Variants in PLEKHG4 observed in about 807,000 individuals in gnomAD.
PLEKHG4 encodes puratrophin-1.
Under a neutral mutation model 136.9 loss-of-function variants are expected in PLEKHG4, and 85 were observed. The observed-to-expected ratio is 0.62, with a 90% CI of 0.52 to 0.74. PLEKHG4 has a LOEUF of 0.74. Among genes scored for constraint, PLEKHG4 ranks in the 30% least tolerant of loss-of-function variants. The pLI is 0.00. For synonymous variants in PLEKHG4, 577 were observed against 646.9 expected (o/e 0.89, Z 1.64); for missense variants, 1,317 against 1,527.8 (o/e 0.86, Z 2.30).
At position 67,282,621 on chromosome 16, in the gene PLEKHG4, C is replaced by T. The variant is rs759951391; in HGVS notation, c.1372C>T (p.Arg458Trp). 5.0e-5 allele frequency: 81 copies of T among 1,613,812 alleles called. No individual in the cohort carries two copies. Among genetic ancestry groups the T allele is most frequent in the South Asian group, 3.3e-4 (30 of 91,092 alleles). Reference protein sequence around the residue: ...ALELVQTLEARESGLHQIEVW... With the variant: ...ALELVQTLEAWESGLHQIEVW... ...AGAGTTGGTCCAAACACTGGAGGCC[C>T]GGGAAAGCGGACTGCACCAGGTCGG... is the stretch of plus-strand genomic sequence containing the variant. Residue 458 changes from arginine to tryptophan, a missense_variant, in exon 10 of 22, where the codon CGG (arginine) becomes TGG (tryptophan). By Grantham distance (101) the Arg-to-Trp change is moderately radical (BLOSUM62 -3). Transcript: ENST00000379344.
chr16:67,282,528 C>T lies in PLEKHG4; in HGVS notation c.1279C>T (p.Leu427=). The T allele has an allele frequency of 1.9e-6, 3 of 1,614,132 alleles. No individual in the cohort carries two copies. The South Asian group carries it at 3.3e-5, about 18-fold the overall frequency. ...GACGGCAATGGACAAGGCTGACGAG[C>T]TATATGACCGGGTGGATGGATTGCT... The part of the protein sequence containing the change: ...YRTAMDKADE[L]YDRVDGLLHQ... Residue 427 remains leucine (L), a synonymous_variant, in exon 10 of 22, where the codon CTA becomes TTA. Coordinates refer to ENST00000379344, the MANE Select transcript of PLEKHG4 (RefSeq NM_001129729.3).
rs2142457840 is a variant in PLEKHG4 at position 67,284,645 on chromosome 16, G to T, written c.1693-68G>T. ...ATCCTGTGGGGATGGGGAGTGGGTA[G>T]AGGAGCAGAGTGCCCAGCAGGCTTG... On this transcript the variant is annotated intron_variant, in intron 12 of 21. Coordinates refer to ENST00000379344, the MANE Select transcript of PLEKHG4 (RefSeq NM_001129729.3). This position sits in a 1 kb window ranked among gnomAD's most constrained non-coding sequence, Gnocchi z 4.4. The T allele has an allele frequency of 6.3e-7, 1 of 1,584,238 alleles. No individual in the cohort carries two copies.
chr16:67,281,750 G>T lies in PLEKHG4; in HGVS notation c.918G>T (p.Leu306=), dbSNP rs1383875106. The T allele has an allele frequency of 3.1e-6, 5 of 1,614,096 alleles. No individual in the cohort carries two copies. The highest frequency in any genetic ancestry group is 1.1e-5 in the South Asian group (1 of 91,090). Reference sequence around the variant, plus strand: ...TGGAGCAGTTGCCTTCTCAGAGCCTGCTGACCCACATCCCAACGGCGGGGC... The same window carrying T: ...TGGAGCAGTTGCCTTCTCAGAGCCTTCTGACCCACATCCCAACGGCGGGGC... ...LQLEQLPSQS[L]LTHIPTAGLP... Residue 306 remains leucine, a synonymous_variant, in exon 7 of 22, where the codon CTG becomes CTT. Coordinates refer to ENST00000379344, the MANE Select transcript of PLEKHG4 (RefSeq NM_001129729.3).
rs2036374574 is a variant in PLEKHG4 at position 67,284,514 on chromosome 16, C to G, written c.1692+57C>G. 5 of 1,573,308 alleles carry G rather than the reference C, an allele frequency of 3.2e-6. No homozygotes were observed. The highest frequency in any genetic ancestry group is 3.5e-6 in the Non-Finnish European group (4 of 1,145,438). ...CCATGAGGCCGGAGGGATGGCAGCC[C>G]CAGCTTCAGCAGAGCCTGAGCTTTT... On this transcript the variant is annotated intron_variant, in intron 12 of 21. Coordinates refer to ENST00000379344, the MANE Select transcript of PLEKHG4 (RefSeq NM_001129729.3). This position sits in a 1 kb window ranked among gnomAD's most constrained non-coding sequence, Gnocchi z 4.4.
Position 67,288,381 on chromosome 16 carries a change from G to C in PLEKHG4, c.3435G>C (p.Leu1145=). 1 of 1,611,682 alleles carries C rather than the reference G, an allele frequency of 6.2e-7. No individual in the cohort carries two copies. Among genetic ancestry groups the C allele is most frequent in the Non-Finnish European group, 8.5e-7 (1 of 1,179,952 alleles). ...EEAALEAEAE[L]GGQPSLTAED... is the part of the protein sequence containing the mutation. ...CAGCACTGGAGGCTGAGGCAGAGCT[G>C]GGCGGCCAGCCCTCTTTGAGTATGT... The change falls in exon 20 of 22, where the codon CTG becomes CTC. Residue 1145 remains leucine (L), a synonymous_variant. Transcript: ENST00000379344.
At chr16:67,287,240 G>A in intron 18 of PLEKHG4, 63 bp downstream of exon 18, 1 of 1,537,486 alleles carries the variant, frequency 6.5e-7, no homozygotes, top group Non-Finnish European at 8.9e-7. Flanking sequence ...TTGACCCACA[G>A]GAGCCCAGAG....
rs200287373 is a variant in PLEKHG4 at position 67,285,181 on chromosome 16, C to A, written c.2161C>A (p.Pro721Thr). The A allele has an allele frequency of 3.7e-6, 6 of 1,613,624 alleles. No homozygotes were observed. In the East Asian group the frequency reaches 1.1e-4, roughly 30 times the overall value. The change falls in exon 13 of 22, where the codon CCA becomes ACA. Residue 721 changes from proline (P) to threonine (T), a missense_variant. Pro to Thr is a conservative substitution (Grantham distance 38, BLOSUM62 -1). Transcript: ENST00000379344. ...ALPQASPTVP[P>T]PGSSDPRSLN... ...GCCCCAGGCATCCCCTACTGTGCCT[C>A]CACCAGGCAGCTCTGACCCCAGGAG...
At chr16:67,279,764 A>G in intron 1 of PLEKHG4, 112 bp from the exon 2 acceptor site, 1 of 410,388 alleles carries the variant, frequency 2.4e-6, no homozygotes, top group South Asian at 3.1e-5. Context: ...ATGGGCCTGC[A>G]GAGCGTGGCC....
Position 67,279,911 on chromosome 16 carries a change from C to T in PLEKHG4, c.-134C>T, listed in dbSNP as rs1185824538. Reference sequence around the variant, plus strand: ...CAGTTCCTGTGCCCTGGCACTAAGACTGGCACCTCCTGCGGCCCATGCCCT... The same window carrying T: ...CAGTTCCTGTGCCCTGGCACTAAGATTGGCACCTCCTGCGGCCCATGCCCT... On this transcript the variant is annotated 5_prime_UTR_variant, in exon 2 of 22. Coordinates refer to ENST00000379344, the MANE Select transcript of PLEKHG4 (RefSeq NM_001129729.3). The T allele has an allele frequency of 2.5e-5, 21 of 838,480 alleles. No homozygotes were observed. Among genetic ancestry groups the T allele is most frequent in the Non-Finnish European group, 3.9e-5 (21 of 539,632 alleles). The allele number at this position is 838,480 out of a possible 1,614,324, so 51.9% of individuals were successfully genotyped here.
chr16:67,278,670 C>T (rs1349731470), upstream of PLEKHG4: 3 of 152,278 alleles, frequency 2.0e-5, no homozygotes, highest in East Asian at 1.9e-4. Context: ...AGCGGGTGAA[C>T]GTATAACACA....
chr16:67,284,676 A>G lies in PLEKHG4; in HGVS notation c.1693-37A>G, dbSNP rs769238826. On this transcript the variant is annotated intron_variant, in intron 12 of 21. Coordinates refer to ENST00000379344, the MANE Select transcript of PLEKHG4 (RefSeq NM_001129729.3). The surrounding 1 kb of genome is among the most constrained non-coding windows in gnomAD (Gnocchi z 4.4). ...CAGAGTGCCCAGCAGGCTTGGCAGG[A>G]TCTTCCTCTAATGCTTGTCCGGCCC... 6.2e-7 allele frequency: 1 copy of G among 1,609,590 alleles called. No individual in the cohort carries two copies. Among genetic ancestry groups the G allele is most frequent in the Non-Finnish European group, 8.5e-7 (1 of 1,178,708 alleles).
Position 67,284,451 on chromosome 16 carries a change from C to G in PLEKHG4, c.1686C>G (p.Phe562Leu), listed in dbSNP as rs754052463. Residue 562 changes from phenylalanine (F) to leucine (L), a missense_variant, in exon 12 of 22, where the codon TTC becomes TTG. Coordinates refer to ENST00000379344, the MANE Select transcript of PLEKHG4 (RefSeq NM_001129729.3). The surrounding 1 kb of genome is among the most constrained non-coding windows in gnomAD (Gnocchi z 4.4). ...LADAERLFQL[F>L]REALTWAEEG... ...ATGCTGAGAGGCTGTTTCAGCTCTTCAGGGAGGTGGGTGAGAGTCTCCCCA... is the reference window on the plus strand; with the variant it reads ...ATGCTGAGAGGCTGTTTCAGCTCTTGAGGGAGGTGGGTGAGAGTCTCCCCA... 13 of 1,613,626 alleles carry G rather than the reference C, an allele frequency of 8.1e-6. No individual in the cohort carries two copies. Among genetic ancestry groups the G allele is most frequent in the South Asian group, 1.1e-5 (1 of 91,042 alleles).
Position 67,280,243 on chromosome 16 carries a change from T to C in PLEKHG4, c.199T>C (p.Ser67Pro). Residue 67 changes from serine (S) to proline (P), a missense_variant, in exon 2 of 22, where the codon TCC (serine) becomes CCC (proline). Physicochemically the swap from Ser to Pro is moderately conservative, Grantham distance 74. Coordinates refer to ENST00000379344, the MANE Select transcript of PLEKHG4 (RefSeq NM_001129729.3). This position sits in a 1 kb window ranked among gnomAD's most constrained non-coding sequence, Gnocchi z 4.4. ...TGAGGAGCTACAGGGCAGCCCCTTGTCCAGGAAATTCCAGTTACCCCCAGC... is the reference window on the plus strand; with the variant it reads ...TGAGGAGCTACAGGGCAGCCCCTTGCCCAGGAAATTCCAGTTACCCCCAGC... ...QDEELQGSPL[S>P]RKFQLPPAAD... The C allele has an allele frequency of 6.2e-7, 1 of 1,613,916 alleles. No homozygotes were observed.
chr16:67,289,183 G>T lies in PLEKHG4; in HGVS notation c.*375G>T. 1 of 458,422 alleles carries T rather than the reference G, an allele frequency of 2.2e-6. No homozygotes were observed. Among genetic ancestry groups the T allele is most frequent in the Non-Finnish European group, 4.0e-6 (1 of 250,544 alleles). 28.4% of individuals were successfully genotyped at this position (458,422 alleles called of 1,614,324 possible). A position where few individuals can be genotyped will look rare whatever the true frequency, so the allele number is the denominator to read the frequency against. ...CCCCCACCCCTCAGGAAGAACACAGGTGGGCTCCTAGCAGCTGATCCCCAA... is the reference window on the plus strand; with the variant it reads ...CCCCCACCCCTCAGGAAGAACACAGTTGGGCTCCTAGCAGCTGATCCCCAA... On this transcript the variant is annotated 3_prime_UTR_variant, in exon 22 of 22. Transcript: ENST00000379344.
chr16:67,280,408 AC>A lies in PLEKHG4; in HGVS notation c.368del (p.Pro123GlnfsTer3), dbSNP rs760961974. 1 of 1,606,632 alleles carries A rather than the reference AC, an allele frequency of 6.2e-7. No homozygotes were observed. Among genetic ancestry groups the A allele is most frequent in the East Asian group, 2.2e-5 (1 of 44,728 alleles). The part of the protein sequence containing the change: ...HLSLAQGESD[T>X]PGVGLVGDPG... ...CAGCTTGGCACAGGGTGAGAGTGAC[AC>A]CCCAGGGGTAGGGTTGGTAGGGGAC... On this transcript the variant is annotated frameshift_variant, in exon 2 of 22. Coordinates refer to ENST00000379344, the MANE Select transcript of PLEKHG4 (RefSeq NM_001129729.3). LOFTEE classifies it high-confidence loss of function. This position sits in a 1 kb window ranked among gnomAD's most constrained non-coding sequence, Gnocchi z 4.4.
In PLEKHG4 at chr16:67,279,916, A is replaced by T; in HGVS notation, c.-129A>T. 1 of 889,894 alleles carries T rather than the reference A, an allele frequency of 1.1e-6. No individual in the cohort carries two copies. 55.1% of individuals were successfully genotyped at this position (889,894 alleles called of 1,614,324 possible). ...CCTGTGCCCTGGCACTAAGACTGGC[A>T]CCTCCTGCGGCCCATGCCCTTCGCC... On this transcript the variant is annotated 5_prime_UTR_variant, in exon 2 of 22. Transcript: ENST00000379344.
At chr16:67,286,053 G>T (rs2036452322) in intron 14 of PLEKHG4, among the ~76,000 whole-genome samples, 2 of 152,116 alleles carry the variant, frequency 1.3e-5, no homozygotes, top group African/African-American at 2.4e-5. Context: ...TGAGGGCAAG[G>T]GGCTTCTTCC....
At chr16:67,285,636 C>T (rs2036435643) in intron 14 of PLEKHG4, 100 bp downstream of exon 14, 1 of 1,419,344 alleles carries the variant, frequency 7.0e-7, no homozygotes, top group African/African-American at 1.4e-5. Context: ...ATGAGTATAG[C>T]TATGAGCAAG....
rs781232751 is a variant in PLEKHG4, at chr16:67,282,816, C to T, written c.1467C>T (p.Leu489=). The T allele has an allele frequency of 2.5e-6, 4 of 1,613,440 alleles. No homozygotes were observed. The South Asian group carries it at 4.4e-5, about 18-fold the overall frequency. ...EAGEPSLDML[L]QAQGSFQELY... ...GGGAGCCCTCGCTGGACATGCTGCT[C>T]CAGGCCCAAGGCTCTTTTCAGGAGC... Residue 489 remains leucine, a synonymous_variant, in exon 11 of 22, where the codon CTC becomes CTT. Coordinates refer to ENST00000379344, the MANE Select transcript of PLEKHG4 (RefSeq NM_001129729.3).
Sources: allele counts gnomAD v4.1 joint callset (sites outside exome capture counted in the v4.1 genomes callset), GRCh38; gene constraint gnomAD v4.1.1; non-coding constraint Gnocchi (gnomAD v3.1); transcripts MANE v1.5; gene names NCBI Gene and HGNC (gene_info 2026-07-23, HGNC 2026-07-21).